YTHDC1: variants seen among roughly 807,000 people sequenced by gnomAD.
YTHDC1 encodes YTH N6-methyladenosine RNA binding protein C1, also known as YTH domain-containing protein 1.
In YTHDC1, 12 loss-of-function variants were observed where a neutral mutation model predicts 107.0. The observed-to-expected ratio is 0.11, with a 90% CI of 0.07 to 0.18. The LOEUF (loss-of-function observed/expected upper bound fraction) is 0.18. Among genes scored for constraint, YTHDC1 ranks in the 10% least tolerant of loss-of-function variants. The pLI is 1.00. For missense variants in YTHDC1, 635 were observed against 898.8 expected, an observed-to-expected ratio of 0.71 and a Z score of 3.75; for synonymous variants, 280 against 289.5, an observed-to-expected ratio of 0.97 and a Z score of 0.33.
At chr4:68,321,178 A>C (rs1270130969) in intron 11 of YTHDC1, among the ~76,000 whole-genome samples, 2 of 152,218 alleles carry the variant, frequency 1.3e-5, no homozygotes, top group African/African-American at 4.8e-5. Context: ...TAAAAACTTG[A>C]TAACAACCTA....
intron 1 of YTHDC1, among the ~76,000 whole-genome samples, chr4:68,345,823 T>C (rs1281682675): frequency 6.6e-6 from 1 of 152,088 alleles, no homozygotes; most frequent in Non-Finnish European, 1.5e-5. Context: ...ATCATTTTGA[T>C]GTTCAGATAC....
intron 10 of YTHDC1, among the ~76,000 whole-genome samples, chr4:68,323,343 A>C (rs550758027): frequency 6.6e-6 from 1 of 152,358 alleles, no homozygotes; most frequent in African/African-American, 2.4e-5. Flanking sequence ...AAGGCAGACC[A>C]ATCTATGGGC....
rs572014702 is a variant in YTHDC1 at position 68,327,494 on chromosome 4, C to T, written c.1349+2508G>A. ...CCATGTGCCTACCAACTACCTGAACCATCAAGAATTTAACAGGTTTGAGGT... is the reference window on the plus strand; with the variant it reads ...CCATGTGCCTACCAACTACCTGAACTATCAAGAATTTAACAGGTTTGAGGT... On this transcript the variant is annotated intron_variant, in intron 9 of 16. Coordinates refer to ENST00000344157, the MANE Select transcript of YTHDC1 (RefSeq NM_001031732.4). Among the ~76,000 whole-genome samples, 3 of 152,194 alleles carry T rather than the reference C, an allele frequency of 2.0e-5. No individual in the cohort carries two copies. The East Asian group carries it at 5.8e-4, about 29-fold the overall frequency.
In YTHDC1 at chr4:68,322,025, G is replaced by A. The variant is rs1224357230; in HGVS notation, c.1601+724C>T. 6.6e-6 allele frequency among the ~76,000 whole-genome samples: 1 copy of A among 152,178 alleles called. No individual in the cohort carries two copies. Among genetic ancestry groups the A allele is most frequent in the Non-Finnish European group, 1.5e-5 (1 of 68,036 alleles). On this transcript the variant is annotated intron_variant, in intron 11 of 16. Coordinates refer to ENST00000344157, the MANE Select transcript of YTHDC1 (RefSeq NM_001031732.4). The surrounding 1 kb of genome is among the most constrained non-coding windows in gnomAD (Gnocchi z 4.8). Reference sequence around the variant, plus strand: ...ACTTTTAAGTCCACAGGTACTGCCAGCATCTGGAAAAGTTGTAAACAGACA... The same window carrying A: ...ACTTTTAAGTCCACAGGTACTGCCAACATCTGGAAAAGTTGTAAACAGACA...
intron 4 of YTHDC1, among the ~76,000 whole-genome samples, chr4:68,333,651 T>C (rs889976733): frequency 1.3e-5 from 2 of 152,108 alleles, no homozygotes; most frequent in South Asian, 2.1e-4. Flanking sequence ...AGGGCCTTAA[T>C]TGCCATATAT....
Position 68,343,694 on chromosome 4 carries a change from G to A in YTHDC1, c.29-5310C>T, listed in dbSNP as rs371342944. ...TGGGATTACAGGCACCTGCCACCACGCCGAGCTAAATTTTTATATTTTTAG... is the reference window on the plus strand; with the variant it reads ...TGGGATTACAGGCACCTGCCACCACACCGAGCTAAATTTTTATATTTTTAG... On this transcript the variant is annotated intron_variant, in intron 1 of 16. Transcript: ENST00000344157. Among the ~76,000 whole-genome samples, 677 of 151,816 alleles carry A rather than the reference G, an allele frequency of 4.5e-3. 6 individuals carry two copies. Among genetic ancestry groups the A allele is most frequent in the Middle Eastern group, 0.034 (10 of 294 alleles).
chr4:68,336,193 A>G (rs1328643119), intron 4 of YTHDC1, among the ~76,000 whole-genome samples: 1 of 151,746 alleles, frequency 6.6e-6, no homozygotes, highest in East Asian at 1.9e-4. Context: ...TCAAAAAAAT[A>G]GGAATTTTCT....
intron 1 of YTHDC1, among the ~76,000 whole-genome samples, chr4:68,342,442 GTATT>G (rs1265867299): frequency 2.6e-5 from 4 of 152,128 alleles, no homozygotes; most frequent in Non-Finnish European, 5.9e-5. Context: ...CACCATCACA[GTATT>G]TATTCATCAC....
Position 68,324,123 on chromosome 4 carries a change from A to C in YTHDC1, c.1434+16T>G. 1 of 1,602,652 alleles carries C rather than the reference A, an allele frequency of 6.2e-7. No individual in the cohort carries two copies. The highest frequency in any genetic ancestry group is 8.5e-7 in the Non-Finnish European group (1 of 1,173,858). ...ATTAAATGTGTTTTTTTAAAGAATC[A>C]ATTAAGGCCACAAACCTGTCCATCA... On this transcript the variant is annotated intron_variant, in intron 10 of 16. Transcript: ENST00000344157.
At chr4:68,349,637 AC>A in intron 1 of YTHDC1, 88 bp downstream of exon 1, 6 of 124,904 alleles carry the variant, frequency 4.8e-5, no homozygotes, top group East Asian at 2.5e-4. Context: ...CCCAACCCCC[AC>A]CCCCCACCCC....
At chr4:68,342,706 T>C (rs539566242) in intron 1 of YTHDC1, among the ~76,000 whole-genome samples, 2 of 152,320 alleles carry the variant, frequency 1.3e-5, no homozygotes, top group South Asian at 4.1e-4. Context: ...TTCACTGACT[T>C]GAAAAAGTAC....
intron 1 of YTHDC1, 60 bp downstream of exon 1, chr4:68,349,666 C>A: frequency 1.2e-6 from 1 of 826,184 alleles, no homozygotes. Flanking sequence ...GACCACTGCT[C>A]CATCACCCCA....
At chr4:68,349,365 A>G (rs1725817933) in intron 1 of YTHDC1, among the ~76,000 whole-genome samples, 1 of 152,176 alleles carries the variant, frequency 6.6e-6, no homozygotes, top group African/African-American at 2.4e-5. Context: ...GCCTAACAGA[A>G]ATGGTTGTCC....
At chr4:68,332,529 A>G (rs1723707955) in intron 6 of YTHDC1, among the ~76,000 whole-genome samples, 1 of 151,918 alleles carries the variant, frequency 6.6e-6, no homozygotes, top group Admixed American at 6.6e-5. Flanking sequence ...ATACACACAC[A>G]TCTATATATA....
rs559760693 is a variant in YTHDC1, at chr4:68,341,845, T to TTCA, written c.29-3464_29-3462dup. Among the ~76,000 whole-genome samples the TTCA allele has an allele frequency of 4.5e-4, 69 of 152,308 alleles. 1 individual carries two copies. Among genetic ancestry groups the TTCA allele is most frequent in the Admixed American group, 4.5e-3 (69 of 15,304 alleles). On this transcript the variant is annotated intron_variant, in intron 1 of 16. Transcript: ENST00000344157. ...CCCAGTCTTTCTGAGTTCAAGATTCTTCACCTCTGATAAGAGGCACTTAAA... is the reference window on the plus strand; with the variant it reads ...CCCAGTCTTTCTGAGTTCAAGATTCTTCATCACCTCTGATAAGAGGCACTTAAA...
Position 68,332,778 on chromosome 4 carries a change from C to A in YTHDC1, c.1027+16G>T. 1 of 1,611,172 alleles carries A rather than the reference C, an allele frequency of 6.2e-7. No homozygotes were observed. The highest frequency in any genetic ancestry group is 8.5e-7 in the Non-Finnish European group (1 of 1,178,482). ...ATGCAGCATGCAATGAAAACAATTT[C>A]AAATTTAAATGATACCTTTTCGGAC... On this transcript the variant is annotated intron_variant, in intron 6 of 16. Transcript: ENST00000344157.
intron 16 of YTHDC1, among the ~76,000 whole-genome samples, chr4:68,315,681 A>C (rs1227765168): frequency 6.6e-6 from 1 of 152,190 alleles, no homozygotes; most frequent in African/African-American, 2.4e-5. Flanking sequence ...CAGAAAACTC[A>C]AACTAAAACT....
At chr4:68,324,285 T>C (rs560443645) in intron 9 of YTHDC1, 62 bp from the exon 10 acceptor site, 1 of 1,415,974 alleles carries the variant, frequency 7.1e-7, no homozygotes, top group South Asian at 1.2e-5. Flanking sequence ...CTTATACTAC[T>C]TTTAGTAGTG....
intron 2 of YTHDC1, 151 bp from the exon 3 acceptor site, chr4:68,338,051 C>T (rs952279469): frequency 2.3e-5 from 33 of 1,454,330 alleles, no homozygotes; most frequent in Non-Finnish European, 2.5e-5. Flanking sequence ...CAGAGTTAAT[C>T]TAAAAGAAAA....
Sources: gnomAD v4.1 joint callset for allele counts (sites outside exome capture counted in the v4.1 genomes callset) on GRCh38, gnomAD v4.1.1 for gene constraint, Gnocchi (gnomAD v3.1) non-coding constraint, MANE v1.5 for transcripts, NCBI Gene and HGNC (gene_info 2026-07-23, HGNC 2026-07-21) for gene names.